FOXP2: variants seen among roughly 807,000 people sequenced by gnomAD.
FOXP2 encodes the protein forkhead box P2.
A neutral mutation model predicts 115.8 loss-of-function variants in FOXP2; 12 were observed. The observed-to-expected ratio is 0.10, with a 90% CI of 0.07 to 0.17. The LOEUF is 0.17. FOXP2 is among the 10% of genes least tolerant of loss of function. FOXP2 has a pLI of 1.00. For synonymous variants in FOXP2, 328 were observed against 297.7 expected (o/e 1.10, Z -1.05); for missense variants, 629 against 843.5 (o/e 0.75, Z 3.15).
At chr7:114,338,127 G>A (rs1797904460) in intron 2 of FOXP2, among the ~76,000 whole-genome samples, 1 of 150,924 alleles carries the variant, frequency 6.6e-6, no homozygotes, top group Non-Finnish European at 1.5e-5. Context: ...TTAAAATATA[G>A]TTTTATTATA....
intron 1 of FOXP2, among the ~76,000 whole-genome samples, chr7:114,212,481 T>G (rs1387006637): frequency 2.0e-5 from 3 of 152,018 alleles, no homozygotes; most frequent in South Asian, 2.1e-4. Context: ...GAATCATACC[T>G]AAAATTTCAT....
At chr7:114,167,542 T>C (rs1428119272) in intron 1 of FOXP2, among the ~76,000 whole-genome samples, 2 of 152,306 alleles carry the variant, frequency 1.3e-5, no homozygotes, top group Non-Finnish European at 2.9e-5. Context: ...TCATGTGTTA[T>C]GGGAGGGACC....
intron 2 of FOXP2, among the ~76,000 whole-genome samples, chr7:114,356,123 A>T (rs1282928980): frequency 6.6e-6 from 1 of 152,198 alleles, no homozygotes; most frequent in African/African-American, 2.4e-5. Flanking sequence ...AAAGGCCCAA[A>T]TTATAAAAAC....
At chr7:114,427,737 C>T (rs1443479992) in intron 2 of FOXP2, among the ~76,000 whole-genome samples, 2 of 151,356 alleles carry the variant, frequency 1.3e-5, no homozygotes, top group Admixed American at 6.6e-5. Context: ...CAAATGCCCA[C>T]ACTAGAGTAA....
chr7:114,330,859 G>T (rs1250621034), intron 2 of FOXP2, among the ~76,000 whole-genome samples: 1 of 152,160 alleles, frequency 6.6e-6, no homozygotes, highest in Non-Finnish European at 1.5e-5. Flanking sequence ...AGAGGCAAAG[G>T]TGCAGCACTG....
At chr7:114,686,177 C>CTTT (rs1032625310) in intron 16 of FOXP2, among the ~76,000 whole-genome samples, 1 of 144,590 alleles carries the variant, frequency 6.9e-6, no homozygotes, top group Non-Finnish European at 1.5e-5. Context: ...TATAATACTT[C>CTTT]TTTTTTTTTT....
In FOXP2 at chr7:114,404,706, T is replaced by A. The variant is rs1356910497; in HGVS notation, c.-10-21796T>A. ...ATATCTGCTTTGATTTTTGTCAGTT[T>A]AGTTAATTCAAATAAAATTTGTGAA... On this transcript the variant is annotated intron_variant, in intron 2 of 17. Coordinates refer to the FOXP2 transcript ENST00000634411. Among the ~76,000 whole-genome samples, 4 of 152,082 alleles carry A rather than the reference T, an allele frequency of 2.6e-5. No individual in the cohort carries two copies. The East Asian group carries it at 7.7e-4, about 29-fold the overall frequency.
intron 2 of FOXP2, among the ~76,000 whole-genome samples, chr7:114,497,773 G>A (rs1368712050): frequency 2.0e-5 from 3 of 152,118 alleles, no homozygotes; most frequent in East Asian, 1.9e-4. Flanking sequence ...AAGACCACAT[G>A]CTTTAAAGTA....
At chr7:114,152,742 T>C (rs1165663055) in intron 1 of FOXP2, among the ~76,000 whole-genome samples, 2 of 152,110 alleles carry the variant, frequency 1.3e-5, no homozygotes, top group Non-Finnish European at 2.9e-5. Flanking sequence ...AGCAAGTGTA[T>C]GTTTGGAGGC....
chr7:114,546,817 T>C (rs1185113056), intron 3 of FOXP2, among the ~76,000 whole-genome samples: 1 of 152,244 alleles, frequency 6.6e-6, no homozygotes, highest in Non-Finnish European at 1.5e-5. Context: ...AATCGCAGAC[T>C]CTAAATCTTT....
At chr7:114,210,726 C>T (rs1357403288) in intron 1 of FOXP2, among the ~76,000 whole-genome samples, 1 of 152,096 alleles carries the variant, frequency 6.6e-6, no homozygotes, top group African/African-American at 2.4e-5. Flanking sequence ...TGTTTGTATT[C>T]TCCAAAGCCA....
At chr7:114,313,168 G>T (rs1797187060) in intron 2 of FOXP2, among the ~76,000 whole-genome samples, 1 of 152,052 alleles carries the variant, frequency 6.6e-6, no homozygotes, top group Non-Finnish European at 1.5e-5. Context: ...AAAAATATGG[G>T]GTTACATTCT....
At chr7:114,329,680 ATTTATTTATTTT>A (rs1446148795) in intron 2 of FOXP2, among the ~76,000 whole-genome samples, 10 of 82,976 alleles carry the variant, frequency 1.2e-4, no homozygotes, top group African/African-American at 4.3e-4. Flanking sequence ...TTATTTATTT[ATTTATTTATTTT>A]ATGAGATGCA....
chr7:114,579,187 A>T (rs779222759), intron 3 of FOXP2, among the ~76,000 whole-genome samples: 12 of 152,164 alleles, frequency 7.9e-5, no homozygotes, highest in Non-Finnish European at 1.6e-4. Context: ...TGCCATCCTG[A>T]TCTTGAAATT....
chr7:114,550,418 A>G (rs10953762), intron 3 of FOXP2, among the ~76,000 whole-genome samples: 26,155 of 151,946 alleles, frequency 0.17, 2,695 homozygotes, highest in African/African-American at 0.29. Context: ...ACCCGGCCTC[A>G]TCTTTCTTTT....
chr7:114,160,932 A>G (rs994169590), upstream of FOXP2, among the ~76,000 whole-genome samples: 1 of 152,144 alleles, frequency 6.6e-6, no homozygotes, highest in Non-Finnish European at 1.5e-5. Flanking sequence ...TCTGGTAGAT[A>G]TGGATGGCAT....
At chr7:114,430,898 T>C (rs972334219) in intron 2 of FOXP2, among the ~76,000 whole-genome samples, 19 of 152,118 alleles carry the variant, frequency 1.2e-4, no homozygotes, top group African/African-American at 4.6e-4. Context: ...TCAATACTCA[T>C]GTAAAAGATC....
chr7:114,312,691 G>T (rs1797175763), intron 2 of FOXP2, among the ~76,000 whole-genome samples: 1 of 152,182 alleles, frequency 6.6e-6, no homozygotes, highest in African/African-American at 2.4e-5. Context: ...GAATTTTTGT[G>T]TTGGTTCCCC....
rs1270564890 is a variant in FOXP2, at chr7:114,692,412, A to G, written c.*2486A>G. 2.2e-5 allele frequency: 10 copies of G among 450,566 alleles called. No homozygotes were observed. Among genetic ancestry groups the G allele is most frequent in the African/African-American group, 1.6e-4 (8 of 49,652 alleles). 27.9% of individuals were successfully genotyped at this position (450,566 alleles called of 1,614,324 possible). ...CCTCCAAAACTGCAATTGCTTTGAA[A>G]ATAGATTTTAGGTTTTTTGGAGTTT... On this transcript the variant is annotated 3_prime_UTR_variant, in exon 17 of 17. Coordinates refer to ENST00000350908, the MANE Select transcript of FOXP2 (RefSeq NM_014491.4).
Sources: gnomAD v4.1 joint callset for allele counts (sites outside exome capture counted in the v4.1 genomes callset) on GRCh38, gnomAD v4.1.1 for gene constraint, MANE v1.5 for transcripts, NCBI Gene and HGNC (gene_info 2026-07-23, HGNC 2026-07-21) for gene names.